IFT80: variants seen among roughly 807,000 people sequenced by gnomAD.
IFT80 encodes intraflagellar transport protein 80 homolog.
Under a neutral mutation model 107.9 loss-of-function variants are expected in IFT80, and 79 were observed. The ratio of observed to expected loss-of-function variants is 0.73; its 90% confidence interval spans 0.61 to 0.88. The LOEUF (loss-of-function observed/expected upper bound fraction) is 0.88. Among genes scored for constraint, IFT80 ranks in the 40% least tolerant of loss-of-function variants. The probability of loss-of-function intolerance (pLI) is 0.00; values close to 1 mark genes in which losing one functional copy is unlikely to be tolerated. For synonymous variants in IFT80, 299 were observed against 300.9 expected (o/e 0.99, Z 0.07); for missense variants, 797 against 914.2 (o/e 0.87, Z 1.65).
Position 160,268,593 on chromosome 3 carries a change from G to A in IFT80, c.2100-57C>T, listed in dbSNP as rs1158868065. ...TTGTTTGTGTCAGACTCCATGAGTA[G>A]TAGAGTTCTGGAGTTGGGGATAAGA... On this transcript the variant is annotated intron_variant, in intron 18 of 19. Transcript: ENST00000326448. The A allele has an allele frequency of 3.2e-6, 5 of 1,538,828 alleles. No homozygotes were observed. The Admixed American group carries it at 8.4e-5, about 26-fold the overall frequency.
Position 160,328,550 on chromosome 3 carries a change from A to T in IFT80, c.778-8611T>A, listed in dbSNP as rs369647844. Among the ~76,000 whole-genome samples, 70 of 149,334 alleles carry T rather than the reference A, an allele frequency of 4.7e-4. No individual in the cohort carries two copies. In the East Asian group the frequency reaches 0.01, roughly 22 times the overall value. On this transcript the variant is annotated intron_variant, in intron 8 of 19. Coordinates refer to ENST00000326448, the MANE Select transcript of IFT80 (RefSeq NM_020800.3). The stretch of plus-strand genomic sequence containing the variant: ...GGAATGGTTTTACACTGTCGGTGGG[A>T]GTGTAAATTAGTTCATTGTGGAAGA...
intron 5 of IFT80, among the ~76,000 whole-genome samples, chr3:160,366,602 G>A (rs1228361631): frequency 1.3e-5 from 2 of 152,028 alleles, no homozygotes; most frequent in African/African-American, 2.4e-5. Context: ...AACAAATGAT[G>A]TTGGTTTAAA....
At chr3:160,397,716 CTTTTT>C (rs545413654) in intron 1 of IFT80, among the ~76,000 whole-genome samples, 1,800 of 96,554 alleles carry the variant, frequency 0.019, 36 homozygotes, top group African/African-American at 0.071. Context: ...TTGGTCTATA[CTTTTT>C]TTTTTTTTTT....
At chr3:160,298,887 A>G (rs1716196162) in intron 12 of IFT80, among the ~76,000 whole-genome samples, 1 of 152,186 alleles carries the variant, frequency 6.6e-6, no homozygotes, top group Non-Finnish European at 1.5e-5. Context: ...AGAAAAAGGT[A>G]ATGCACTATG....
In IFT80 at chr3:160,357,488, C is replaced by T. The variant is rs1162206309; in HGVS notation, c.639+1G>A. 3 of 1,423,922 alleles carry T rather than the reference C, an allele frequency of 2.1e-6. No homozygotes were observed. The East Asian group carries it at 6.8e-5, about 32-fold the overall frequency. The allele number at this position is 1,423,922 out of a possible 1,614,324, so 88.2% of individuals were successfully genotyped here. A position where few individuals can be genotyped will look rare whatever the true frequency, so the allele number is the denominator to read the frequency against. On this transcript the variant is annotated splice_donor_variant, in intron 7 of 19. Transcript: ENST00000326448. LOFTEE classifies it high-confidence loss of function. ...AAGTGATAAATCTAAACATTATATA[C>T]CTTATATTTACAGTCTTCACCAGCA...
intron 8 of IFT80, among the ~76,000 whole-genome samples, chr3:160,346,016 C>A (rs564398999): frequency 3.2e-4 from 48 of 152,224 alleles, no homozygotes; most frequent in African/African-American, 1.1e-3. Flanking sequence ...CCATAAATAT[C>A]TGCACCTACT....
At chr3:160,312,873 A>AT (rs1717454163) in intron 9 of IFT80, among the ~76,000 whole-genome samples, 1 of 31,970 alleles carries the variant, frequency 3.1e-5, no homozygotes, top group African/African-American at 1.2e-4. Flanking sequence ...AATATATAAT[A>AT]AATATATATT....
intron 19 of IFT80, among the ~76,000 whole-genome samples, chr3:160,259,054 G>A (rs1712595199): frequency 6.6e-6 from 1 of 152,194 alleles, no homozygotes; most frequent in Non-Finnish European, 1.5e-5. Context: ...GCTGCAGTGA[G>A]CCGTGATTGC....
At chr3:160,356,285 T>C in intron 7 of IFT80, 135 bp from the exon 8 acceptor site, 2 of 708,736 alleles carry the variant, frequency 2.8e-6, no homozygotes, top group Admixed American at 3.0e-5. Flanking sequence ...TCCAGTAAGG[T>C]AGTAAATAAA....
At chr3:160,282,336 T>C (rs1714747436) in intron 14 of IFT80, 142 bp downstream of exon 14, 1 of 639,374 alleles carries the variant, frequency 1.6e-6, no homozygotes, top group African/African-American at 1.9e-5. Context: ...TCACTCCTAC[T>C]TTTTTAAAAA....
At chr3:160,358,461 T>C (rs1165645163) in intron 6 of IFT80, among the ~76,000 whole-genome samples, 2 of 152,246 alleles carry the variant, frequency 1.3e-5, no homozygotes, top group Non-Finnish European at 2.9e-5. Flanking sequence ...ACTTCTGCTG[T>C]ATTTACCATG....
chr3:160,367,050 T>C (rs1024341125), intron 5 of IFT80, among the ~76,000 whole-genome samples: 6 of 152,114 alleles, frequency 3.9e-5, no homozygotes, highest in African/African-American at 1.2e-4. Context: ...GCCTGGCTCA[T>C]TTCACTCAAC....
At chr3:160,285,744 T>G in intron 13 of IFT80, 60 bp downstream of exon 13, 1 of 1,125,700 alleles carries the variant, frequency 8.9e-7, no homozygotes, top group Non-Finnish European at 1.3e-6. Flanking sequence ...AAACATTAAT[T>G]TTGAAAAGGA....
In IFT80 at chr3:160,323,617, A is replaced by G. The variant is rs531071736; in HGVS notation, c.778-3678T>C. On this transcript the variant is annotated intron_variant, in intron 8 of 19. Coordinates refer to ENST00000326448, the MANE Select transcript of IFT80 (RefSeq NM_020800.3). ...CACAACATACCAGAATCTCTGGGAC[A>G]CATTCAAAGCAGTGTGTAGAGGGAA... Among the ~76,000 whole-genome samples the G allele has an allele frequency of 4.5e-3, 680 of 152,184 alleles. 6 individuals carry two copies. The highest frequency in any genetic ancestry group is 0.016 in the African/African-American group (655 of 41,532).
chr3:160,388,178 G>A (rs565652911), intron 1 of IFT80, among the ~76,000 whole-genome samples: 9 of 151,228 alleles, frequency 6.0e-5, no homozygotes, highest in African/African-American at 2.2e-4. Context: ...CCGCATAAAA[G>A]CACAGCAGAG....
chr3:160,259,225 A>G lies in IFT80; in HGVS notation c.2224-590T>C, dbSNP rs143450060. On this transcript the variant is annotated intron_variant, in intron 19 of 19. Coordinates refer to ENST00000326448, the MANE Select transcript of IFT80 (RefSeq NM_020800.3). ...CTCTCATTGTGATTTAAAAGACCAA[A>G]ATCTAGTCACAGCTATTTATAAAGG... 1.2e-4 allele frequency among the ~76,000 whole-genome samples: 18 copies of G among 152,318 alleles called. No individual in the cohort carries two copies. The East Asian group carries it at 3.5e-3, about 29-fold the overall frequency.
intron 3 of IFT80, among the ~76,000 whole-genome samples, chr3:160,381,239 AATATATATATATAT>A (rs56915671): frequency 5.8e-5 from 5 of 86,278 alleles, no homozygotes; most frequent in Admixed American, 1.1e-4. Context: ...CCCATCTCTA[AATATATATATATAT>A]ATATATATAT....
chr3:160,313,013 TAATAAATATATATTATA>T (rs1251798765), intron 9 of IFT80, among the ~76,000 whole-genome samples: 1 of 86,270 alleles, frequency 1.2e-5, no homozygotes, highest in Non-Finnish European at 2.1e-5. Context: ...AATTAATATA[TAATAAATATATATTATA>T]TATAAATATA....
chr3:160,367,542 A>G lies in IFT80; in HGVS notation c.440-1390T>C, dbSNP rs760247395. 2.8e-4 allele frequency among the ~76,000 whole-genome samples: 42 copies of G among 152,020 alleles called. 1 individual carries two copies. The highest frequency in any genetic ancestry group is 2.8e-4 in the Non-Finnish European group (19 of 67,906). On this transcript the variant is annotated intron_variant, in intron 5 of 19. Transcript: ENST00000326448. ...CACAAATGGCAAATTTTTTTATATC[A>G]GATTAGGGAAAATTTTGTTATCTAT... is the stretch of plus-strand genomic sequence containing the variant.
Sources: allele counts gnomAD v4.1 joint callset (sites outside exome capture counted in the v4.1 genomes callset), GRCh38; gene constraint gnomAD v4.1.1; transcripts MANE v1.5; gene names NCBI Gene and HGNC (gene_info 2026-07-23, HGNC 2026-07-21).